Variants in MAF observed in about 807,000 individuals in gnomAD.
MAF encodes the protein MAF bZIP transcription factor.
A neutral mutation model predicts 22.0 loss-of-function variants in MAF; 10 were observed. The ratio of observed to expected loss-of-function variants is 0.45; its 90% confidence interval spans 0.28 to 0.77. The LOEUF is 0.77. Among genes scored for constraint, MAF ranks in the 30% least tolerant of loss-of-function variants. MAF has a pLI of 0.12. For synonymous variants in MAF, 337 were observed against 255.8 expected (o/e 1.32, Z -3.03); for missense variants, 544 against 548.4 (o/e 0.99, Z 0.08).
At chr16:79,246,780 G>C in the MAF span, among the ~76,000 whole-genome samples, 1 of 152,096 alleles carries the variant, frequency 6.6e-6, no homozygotes, top group South Asian at 2.1e-4. Flanking sequence ...CAAGAAAAAA[G>C]TCCAAGAGTG....
At chr16:79,257,306 C>T in the MAF span, among the ~76,000 whole-genome samples, 7 of 152,126 alleles carry the variant, frequency 4.6e-5, no homozygotes, top group Non-Finnish European at 8.8e-5. Context: ...GATTAAATAA[C>T]GTGTTATCAT....
chr16:79,236,403 C>T, the MAF span, among the ~76,000 whole-genome samples: 1 of 151,932 alleles, frequency 6.6e-6, no homozygotes, highest in Non-Finnish European at 1.5e-5. Flanking sequence ...GGGAAGTTTT[C>T]CAGTTGATTC....
chr16:79,336,742 G>C, the MAF span, among the ~76,000 whole-genome samples: 1 of 152,192 alleles, frequency 6.6e-6, no homozygotes, highest in African/African-American at 2.4e-5. Context: ...TTGGGCACAT[G>C]AGTCATGCAT....
the MAF span, among the ~76,000 whole-genome samples, chr16:79,553,361 G>A: frequency 1.3e-5 from 2 of 152,244 alleles, no homozygotes; most frequent in Non-Finnish European, 2.9e-5. Flanking sequence ...CCCTGGCCCA[G>A]AGACAGAGAC....
chr16:79,304,753 A>C, the MAF span, among the ~76,000 whole-genome samples: 4 of 152,210 alleles, frequency 2.6e-5, no homozygotes, highest in Non-Finnish European at 4.4e-5. Context: ...TAAGCTAGGG[A>C]CCAAAAGGGA....
chr16:79,342,031 C>G, the MAF span, among the ~76,000 whole-genome samples: 1 of 152,244 alleles, frequency 6.6e-6, no homozygotes, highest in Non-Finnish European at 1.5e-5. Flanking sequence ...CACCTACACA[C>G]TGATTATAGA....
chr16:79,386,156 G>A, the MAF span, among the ~76,000 whole-genome samples: 2 of 152,130 alleles, frequency 1.3e-5, no homozygotes, highest in African/African-American at 2.4e-5. Flanking sequence ...GTTGTTGAGG[G>A]CATAGTTTTG....
chr16:79,366,839 G>T, the MAF span, among the ~76,000 whole-genome samples: 5 of 152,186 alleles, frequency 3.3e-5, no homozygotes, highest in South Asian at 8.3e-4. Flanking sequence ...GTTTGTTGTT[G>T]CAGCATAGCC....
chr16:79,311,199 G>T, the MAF span, among the ~76,000 whole-genome samples: 1 of 151,964 alleles, frequency 6.6e-6, no homozygotes, highest in Non-Finnish European at 1.5e-5. Flanking sequence ...TTAAGCGCAG[G>T]AGAAAGGAAA....
At chr16:79,487,865 T>A in the MAF span, among the ~76,000 whole-genome samples, 1 of 152,204 alleles carries the variant, frequency 6.6e-6, no homozygotes, top group Non-Finnish European at 1.5e-5. Flanking sequence ...TGCTTTCATC[T>A]CTGCGTATGG....
At chr16:79,596,530 C>G (rs1211810922) in intron 1 of MAF, 56 of 1,049,008 alleles carry the variant, frequency 5.3e-5, no homozygotes, top group Non-Finnish European at 6.4e-5. Flanking sequence ...TTGATATAAC[C>G]AGAATTGAAA....
chr16:79,586,834 A>G (rs966452744), intron 1 of MAF, among the ~76,000 whole-genome samples: 19 of 152,236 alleles, frequency 1.2e-4, no homozygotes, highest in Non-Finnish European at 2.9e-5. Flanking sequence ...AATCTAATTT[A>G]AAAAATTCAA....
the MAF span, among the ~76,000 whole-genome samples, chr16:79,408,171 G>T: frequency 6.6e-6 from 1 of 151,132 alleles, no homozygotes; most frequent in African/African-American, 2.4e-5. Context: ...TAACATCGTG[G>T]CTTTTCTTTT....
chr16:79,216,448 T>TA, the MAF span, among the ~76,000 whole-genome samples: 1 of 152,236 alleles, frequency 6.6e-6, no homozygotes, highest in Non-Finnish European at 1.5e-5. Flanking sequence ...GTAAAAGTGA[T>TA]ATTCAGTAGA....
At chr16:79,240,386 C>T in the MAF span, among the ~76,000 whole-genome samples, 1 of 149,818 alleles carries the variant, frequency 6.7e-6, no homozygotes, top group Non-Finnish European at 1.5e-5. Context: ...CCCTACAACA[C>T]TTCAACTACC....
At chr16:79,407,796 C>T in the MAF span, among the ~76,000 whole-genome samples, 4 of 152,124 alleles carry the variant, frequency 2.6e-5, no homozygotes, top group Non-Finnish European at 5.9e-5. Flanking sequence ...AGTCGAGCCG[C>T]CCCACGAAGC....
chr16:79,245,499 A>C, the MAF span, among the ~76,000 whole-genome samples: 1 of 152,136 alleles, frequency 6.6e-6, no homozygotes, highest in Non-Finnish European at 1.5e-5. Flanking sequence ...AATTGAAACC[A>C]CAATGAGATA....
the MAF span, among the ~76,000 whole-genome samples, chr16:79,537,008 C>A: frequency 6.6e-6 from 1 of 152,132 alleles, no homozygotes. Flanking sequence ...GGCTTAGACA[C>A]ATGCATCAGG....
chr16:79,314,367 T>A, the MAF span, among the ~76,000 whole-genome samples: 16 of 152,242 alleles, frequency 1.1e-4, no homozygotes, highest in Middle Eastern at 0.014. Flanking sequence ...TAAGGCCAGG[T>A]TAAATGGCTG....
Sources: allele counts gnomAD v4.1 joint callset (sites outside exome capture counted in the v4.1 genomes callset), GRCh38; gene constraint gnomAD v4.1.1; transcripts MANE v1.5; gene names NCBI Gene and HGNC (gene_info 2026-07-23, HGNC 2026-07-21).